RSU1: variants seen among roughly 807,000 people sequenced by gnomAD.
RSU1 encodes Ras suppressor protein 1.
A neutral mutation model predicts 31.1 loss-of-function variants in RSU1; 26 were observed. That is an observed-to-expected ratio of 0.84 (90% confidence interval 0.61 to 1.16). The LOEUF (loss-of-function observed/expected upper bound fraction) is 1.16. Among genes scored for constraint, RSU1 ranks in the 50% most tolerant of loss-of-function variants. The probability of loss-of-function intolerance (pLI) is 0.00; values close to 1 mark genes in which losing one functional copy is unlikely to be tolerated. For synonymous variants in RSU1, 164 were observed against 136.3 expected, an observed-to-expected ratio of 1.20 and a Z score of -1.41; for missense variants, 320 against 339.1, an observed-to-expected ratio of 0.94 and a Z score of 0.44.
At chr10:16,725,869 A>G (rs1019961789) in intron 7 of RSU1, among the ~76,000 whole-genome samples, 6 of 148,808 alleles carry the variant, frequency 4.0e-5, no homozygotes, top group African/African-American at 1.5e-4. Flanking sequence ...AACATAAACC[A>G]TATTTGAAAT....
chr10:16,761,856 A>AAAAAC (rs770519974), intron 4 of RSU1, among the ~76,000 whole-genome samples: 3 of 152,210 alleles, frequency 2.0e-5, no homozygotes, highest in South Asian at 2.1e-4. Context: ...ACTCTGTCTC[A>AAAAAC]AAAACAAAAC....
At chr10:16,662,988 A>AAAC (rs1564306414) in intron 8 of RSU1, among the ~76,000 whole-genome samples, 1 of 151,758 alleles carries the variant, frequency 6.6e-6, no homozygotes, top group African/African-American at 2.4e-5. Flanking sequence ...AAAAAAAAAA[A>AAAC]ACCCTCTAAG....
chr10:16,666,574 A>G (rs963144189), intron 8 of RSU1, among the ~76,000 whole-genome samples: 12 of 152,066 alleles, frequency 7.9e-5, no homozygotes, highest in Non-Finnish European at 1.2e-4. Context: ...TGTTTGCACT[A>G]AAGTATTTAA....
At chr10:16,804,729 C>A (rs1290972146) in intron 2 of RSU1, among the ~76,000 whole-genome samples, 4 of 152,146 alleles carry the variant, frequency 2.6e-5, no homozygotes. Flanking sequence ...AGGCTATATA[C>A]CCTACGATTC....
chr10:16,642,728 T>C (rs543333184), intron 8 of RSU1, among the ~76,000 whole-genome samples: 1 of 152,320 alleles, frequency 6.6e-6, no homozygotes, highest in Non-Finnish European at 1.5e-5. Context: ...TTAAACCTAT[T>C]TCCAAAAGAC....
intron 7 of RSU1, among the ~76,000 whole-genome samples, chr10:16,703,436 T>C (rs528942990): frequency 1.4e-3 from 215 of 152,284 alleles, no homozygotes; most frequent in African/African-American, 4.5e-3. Context: ...AATTCCACCC[T>C]AGTAATAAAT....
intron 7 of RSU1, among the ~76,000 whole-genome samples, chr10:16,709,214 C>G (rs996462970): frequency 8.9e-5 from 13 of 146,290 alleles, no homozygotes; most frequent in South Asian, 4.4e-4. Context: ...TCTCATTGTT[C>G]AATTCCCATC....
At chr10:16,727,566 C>T (rs929755075) in intron 7 of RSU1, among the ~76,000 whole-genome samples, 2 of 152,098 alleles carry the variant, frequency 1.3e-5, no homozygotes, top group African/African-American at 2.4e-5. Context: ...ATGTCCAACT[C>T]GGGCCACTGT....
In RSU1 at chr10:16,725,501, C is replaced by CG. The variant is rs200103931; in HGVS notation, c.598+27037dup. On this transcript the variant is annotated intron_variant, in intron 7 of 8. Transcript: ENST00000345264. ...TAATTATCAACGAAAGCATCTTGAGCGGGGGGCCTTCAGGAGGTGATTAAG... is the reference window on the plus strand; with the variant it reads ...TAATTATCAACGAAAGCATCTTGAGCGGGGGGGCCTTCAGGAGGTGATTAAG... Among the ~76,000 whole-genome samples the CG allele has an allele frequency of 7.8e-3, 1,184 of 152,158 alleles. 23 individuals are homozygous for CG. Among genetic ancestry groups the CG allele is most frequent in the East Asian group, 0.056 (288 of 5,152 alleles).
intron 8 of RSU1, among the ~76,000 whole-genome samples, chr10:16,619,188 C>T (rs1319665513): frequency 2.0e-5 from 3 of 152,184 alleles, no homozygotes; most frequent in African/African-American, 7.2e-5. Flanking sequence ...AAGCCTGCTT[C>T]AGAAAAATAT....
chr10:16,786,461 C>T (rs1009822122), intron 2 of RSU1, among the ~76,000 whole-genome samples: 6 of 152,088 alleles, frequency 3.9e-5, no homozygotes, highest in Non-Finnish European at 5.9e-5. Context: ...TGGAATCAGC[C>T]ATTTATCCCA....
intron 8 of RSU1, among the ~76,000 whole-genome samples, chr10:16,689,473 C>A (rs1032646295): frequency 6.6e-6 from 1 of 152,174 alleles, no homozygotes; most frequent in Admixed American, 6.5e-5. Context: ...AGCCCATGTA[C>A]GTCCATTACA....
Position 16,701,630 on chromosome 10 carries a change from AC to A in RSU1, c.599-6476del, listed in dbSNP as rs1265311750. On this transcript the variant is annotated intron_variant, in intron 7 of 8. Coordinates refer to ENST00000345264, the MANE Select transcript of RSU1 (RefSeq NM_012425.4). ...TAGTACAACTTACACACACACACAC[AC>A]ACAAAAAGATTTAAAAAGAGAAAAC... Among the ~76,000 whole-genome samples the A allele has an allele frequency of 1.5e-4, 23 of 152,294 alleles. No individual in the cohort carries two copies. In the East Asian group the frequency reaches 3.3e-3, roughly 22 times the overall value.
At position 16,799,290 on chromosome 10, in the gene RSU1, T is replaced by A. The variant is rs536144319; in HGVS notation, c.110-17206A>T. Among the ~76,000 whole-genome samples, 5 of 152,270 alleles carry A rather than the reference T, an allele frequency of 3.3e-5. No individual in the cohort carries two copies. In the South Asian group the frequency reaches 1.0e-3, roughly 32 times the overall value. ...ACCATACTCACAGTAAGAAGAAAGC[T>A]GAGCAAACAGAAAACAAACAACTCT... On this transcript the variant is annotated intron_variant, in intron 2 of 8. Coordinates refer to ENST00000345264, the MANE Select transcript of RSU1 (RefSeq NM_012425.4).
At chr10:16,692,842 C>T (rs1274194946) in intron 8 of RSU1, among the ~76,000 whole-genome samples, 1 of 152,120 alleles carries the variant, frequency 6.6e-6, no homozygotes, top group African/African-American at 2.4e-5. Flanking sequence ...AGTCTTTAGA[C>T]TTATACTGTA....
Position 16,817,342 on chromosome 10 carries a change from G to A in RSU1, c.-31C>T. The A allele has an allele frequency of 4.5e-6, 2 of 440,374 alleles. No homozygotes were observed. Among genetic ancestry groups the A allele is most frequent in the Non-Finnish European group, 8.3e-6 (2 of 241,600 alleles). The allele number at this position is 440,374 out of a possible 1,614,324, so 27.3% of individuals were successfully genotyped here. A position where few individuals can be genotyped will look rare whatever the true frequency, so the allele number is the denominator to read the frequency against. On this transcript the variant is annotated 5_prime_UTR_variant, in exon 1 of 9. Transcript: ENST00000345264. ...CGGAAGGTAGCCCCTAAGACGATGG[G>A]CGTGCAACCACAAGCTTCGGCAGAA...
intron 7 of RSU1, among the ~76,000 whole-genome samples, chr10:16,733,610 C>G (rs1836564339): frequency 6.6e-6 from 1 of 152,118 alleles, no homozygotes; most frequent in African/African-American, 2.4e-5. Flanking sequence ...TCTGAAGCAA[C>G]AGAAAGCTGT....
intron 8 of RSU1, among the ~76,000 whole-genome samples, chr10:16,629,685 A>G (rs1834215123): frequency 6.6e-6 from 1 of 152,168 alleles, no homozygotes; most frequent in South Asian, 2.1e-4. Flanking sequence ...TCCTCCCTCA[A>G]CCATACTTGT....
chr10:16,591,501 T>C lies in RSU1; in HGVS notation c.*1893A>G, dbSNP rs919818031. 6.6e-6 allele frequency: 1 copy of C among 152,246 alleles called. No homozygotes were observed. The highest frequency in any genetic ancestry group is 1.5e-5 in the Non-Finnish European group (1 of 68,044). The allele number at this position is 152,246 out of a possible 1,614,324, so 9.4% of individuals were successfully genotyped here. On this transcript the variant is annotated 3_prime_UTR_variant, in exon 9 of 9. Transcript: ENST00000345264. ...GAAATTTATATTCCCAGTAGCCATG[T>C]GAAAGAATGTTTATTTCATGTTACT...
Sources: allele counts gnomAD v4.1 joint callset (sites outside exome capture counted in the v4.1 genomes callset), GRCh38; gene constraint gnomAD v4.1.1; transcripts MANE v1.5; gene names NCBI Gene and HGNC (gene_info 2026-07-23, HGNC 2026-07-21).